Variants in CAST observed in about 807,000 individuals in gnomAD.
CAST encodes calpastatin, also known as MIR583 host.
CAST carries 76 observed loss-of-function variants against 119.6 expected under a neutral mutation model. The observed-to-expected ratio is 0.64, with a 90% CI of 0.53 to 0.77. CAST has a LOEUF of 0.77. Ranked by LOEUF, CAST falls within the 30% of genes least tolerant of loss-of-function variation. The pLI is 0.00. For missense variants in CAST, 953 were observed against 946.5 expected (o/e 1.01, Z -0.09); for synonymous variants, 319 against 331.6 (o/e 0.96, Z 0.41).
At chr5:96,567,594 T>C (rs1435962381) in intron 1 of CAST, among the ~76,000 whole-genome samples, 1 of 152,178 alleles carries the variant, frequency 6.6e-6, no homozygotes, top group Non-Finnish European at 1.5e-5. Flanking sequence ...TTCCATTCTG[T>C]TTGTACTTAA....
chr5:96,209,232 C>T, the CAST span, among the ~76,000 whole-genome samples: 49 of 151,862 alleles, frequency 3.2e-4, no homozygotes, highest in Non-Finnish European at 7.4e-5. Flanking sequence ...AGATGGGTCT[C>T]TTGAAGACAG....
chr5:96,029,121 T>G, the CAST span, among the ~76,000 whole-genome samples: 1 of 152,108 alleles, frequency 6.6e-6, no homozygotes, highest in African/African-American at 2.4e-5. Context: ...AGATGTAAAA[T>G]TTGATCTAAT....
chr5:96,617,649 A>G (rs1009170073), intron 1 of CAST, among the ~76,000 whole-genome samples: 10 of 151,874 alleles, frequency 6.6e-5, no homozygotes, highest in African/African-American at 1.2e-4. Context: ...AAAATTAGCC[A>G]GGCATGGTGG....
the CAST span, among the ~76,000 whole-genome samples, chr5:96,125,887 C>T: frequency 1.3e-5 from 2 of 151,976 alleles, no homozygotes; most frequent in African/African-American, 2.4e-5. Flanking sequence ...TTTGTTGTCC[C>T]TTTCATTTTC....
the CAST span, among the ~76,000 whole-genome samples, chr5:96,205,311 A>G: frequency 6.6e-6 from 1 of 151,978 alleles, no homozygotes; most frequent in South Asian, 2.1e-4. Context: ...CAAGTCTAAG[A>G]ACTCTTTCTT....
the CAST span, among the ~76,000 whole-genome samples, chr5:96,403,427 A>G: frequency 6.6e-6 from 1 of 151,960 alleles, no homozygotes; most frequent in Non-Finnish European, 1.5e-5. Context: ...ACCCCACCCC[A>G]TGACAGGCCC....
the CAST span, among the ~76,000 whole-genome samples, chr5:96,060,373 A>G: frequency 2.0e-5 from 3 of 152,150 alleles, no homozygotes; most frequent in Admixed American, 6.6e-5. Context: ...TCCACATGCT[A>G]TAGATGGTGG....
chr5:96,529,662 G>A (rs116709464), upstream of CAST, among the ~76,000 whole-genome samples: 2,455 of 152,078 alleles, frequency 0.016, 67 homozygotes, highest in African/African-American at 0.057. Context: ...TAATCCCCAC[G>A]TGTCATGGGA....
chr5:96,581,936 T>A (rs990814799), intron 1 of CAST, among the ~76,000 whole-genome samples: 1 of 151,708 alleles, frequency 6.6e-6, no homozygotes, highest in Non-Finnish European at 1.5e-5. Context: ...TGAATACCCA[T>A]CAACTAATAA....
chr5:96,114,061 A>G, the CAST span, among the ~76,000 whole-genome samples: 1 of 152,218 alleles, frequency 6.6e-6, no homozygotes, highest in African/African-American at 2.4e-5. Context: ...TTTTTCAACA[A>G]TAAGTGTATG....
the CAST span, among the ~76,000 whole-genome samples, chr5:96,154,321 G>T: frequency 6.6e-6 from 1 of 151,690 alleles, no homozygotes; most frequent in African/African-American, 2.4e-5. Context: ...CATAATGAAT[G>T]AATATTGTGA....
the CAST span, chr5:96,423,520 A>G: frequency 3.0e-5 from 45 of 1,487,634 alleles, no homozygotes; most frequent in East Asian, 9.5e-4. Context: ...CAAAATGGGC[A>G]CTTCAGTTCC....
At chr5:96,434,334 GAC>G in the CAST span, among the ~76,000 whole-genome samples, 1 of 152,178 alleles carries the variant, frequency 6.6e-6, no homozygotes, top group African/African-American at 2.4e-5. Context: ...TCTGGACAGC[GAC>G]ACACGCAGGA....
At chr5:96,746,310 A>T in intron 16 of CAST, 32 bp from the exon 17 acceptor site, 2 of 1,245,572 alleles carry the variant, frequency 1.6e-6, no homozygotes, top group Non-Finnish European at 2.4e-6. Flanking sequence ...GCATTATCCA[A>T]CTACTTTTTT....
chr5:96,314,038 A>G, the CAST span, among the ~76,000 whole-genome samples: 12 of 152,184 alleles, frequency 7.9e-5, no homozygotes, highest in Non-Finnish European at 1.6e-4. Context: ...CCAAATATAC[A>G]TGGCTTCTGT....
the CAST span, among the ~76,000 whole-genome samples, chr5:96,224,805 AG>A: frequency 6.6e-5 from 10 of 152,354 alleles, no homozygotes; most frequent in East Asian, 1.9e-3. Context: ...ATGGGTTGCC[AG>A]CAGCTCCCCT....
chr5:96,228,017 GTGTGTGTGTGCACGCACATGTGTA>G, the CAST span, among the ~76,000 whole-genome samples: 2 of 152,156 alleles, frequency 1.3e-5, no homozygotes, highest in South Asian at 2.1e-4. Flanking sequence ...GTGTGTGTGT[GTGTGTGTGTGCACGCACATGTGTA>G]TGTGTGTGTC....
the CAST span, chr5:96,433,189 G>C: frequency 2.4e-5 from 18 of 765,942 alleles, no homozygotes; most frequent in South Asian, 2.3e-4. Context: ...TAGGAGGCGC[G>C]AGAGGAGAGG....
the CAST span, chr5:96,410,656 C>T: frequency 1.2e-6 from 1 of 869,032 alleles, no homozygotes; most frequent in Non-Finnish European, 2.0e-6. Flanking sequence ...TGAGTTCTCC[C>T]AACTGAGACA....
Sources: gnomAD v4.1 joint callset for allele counts (sites outside exome capture counted in the v4.1 genomes callset) on GRCh38, gnomAD v4.1.1 for gene constraint, MANE v1.5 for transcripts, NCBI Gene and HGNC (gene_info 2026-07-23, HGNC 2026-07-21) for gene names.